Variants in SQOR observed in about 807,000 individuals in gnomAD.
SQOR encodes sulfide:quinone oxidoreductase, mitochondrial.
A neutral mutation model predicts 48.6 loss-of-function variants in SQOR; 39 were observed. That is an observed-to-expected ratio of 0.80 (90% confidence interval 0.62 to 1.05). The LOEUF (loss-of-function observed/expected upper bound fraction) is 1.05, where lower values mean the gene tolerates loss of function less well. Ranked by LOEUF, SQOR falls within the 50% of genes least tolerant of loss-of-function variation. The pLI is 0.00. For missense variants in SQOR, 561 were observed against 559.9 expected (o/e 1.00, Z -0.02); for synonymous variants, 220 against 206.2 (o/e 1.07, Z -0.57).
At chr15:45,654,124 A>G (rs201309963) in intron 1 of SQOR, among the ~76,000 whole-genome samples, 1 of 87,734 alleles carries the variant, frequency 1.1e-5, no homozygotes, top group Non-Finnish European at 2.3e-5. Flanking sequence ...TCAAAAAAAA[A>G]AAAAAAAAAA....
intron 1 of SQOR, among the ~76,000 whole-genome samples, chr15:45,642,415 AT>A (rs1477989221): frequency 1.3e-5 from 2 of 152,116 alleles, no homozygotes; most frequent in African/African-American, 4.8e-5. Flanking sequence ...AGATCTCCAA[AT>A]TTTTTAATGT....
chr15:45,679,022 A>G (rs1418937017), intron 6 of SQOR, among the ~76,000 whole-genome samples: 1 of 152,230 alleles, frequency 6.6e-6, no homozygotes, highest in Non-Finnish European at 1.5e-5. Flanking sequence ...TATGAACTTG[A>G]GTGCATGAAC....
intron 1 of SQOR, among the ~76,000 whole-genome samples, 172 bp downstream of exon 1, chr15:45,635,280 C>T (rs1439169197): frequency 2.0e-5 from 3 of 152,250 alleles, no homozygotes; most frequent in African/African-American, 7.2e-5. Context: ...CGGACACCTG[C>T]AGCTCTTGCT....
At chr15:45,652,173 C>T (rs7177945) in intron 1 of SQOR, among the ~76,000 whole-genome samples, 4,657 of 151,926 alleles carry the variant, frequency 0.031, 281 homozygotes, top group African/African-American at 0.11. Context: ...CACGTCCGGC[C>T]GGTAGTTAAT....
chr15:45,656,751 A>G (rs1889618383), intron 1 of SQOR, among the ~76,000 whole-genome samples: 1 of 152,166 alleles, frequency 6.6e-6, no homozygotes, highest in Admixed American at 6.5e-5. Flanking sequence ...AGTTGAGAGA[A>G]TATTGCATTT....
chr15:45,655,745 G>A (rs538799364), intron 1 of SQOR, among the ~76,000 whole-genome samples: 11 of 150,846 alleles, frequency 7.3e-5, no homozygotes, highest in Admixed American at 2.6e-4. Context: ...GTGCAGTGGC[G>A]CAATCTTGGC....
chr15:45,633,302 C>T (rs1894931112), upstream of SQOR, among the ~76,000 whole-genome samples: 1 of 152,168 alleles, frequency 6.6e-6, no homozygotes, highest in African/African-American at 2.4e-5. Flanking sequence ...GCATGGTTTT[C>T]ATACTAAAAT....
At chr15:45,632,014 G>A (rs1046551262), upstream of SQOR, 2 of 152,236 alleles carry the variant, frequency 1.3e-5, no homozygotes, top group African/African-American at 4.8e-5. Context: ...ATGACTGCAT[G>A]AGTAAGTGAG....
intron 1 of SQOR, among the ~76,000 whole-genome samples, chr15:45,644,958 C>T (rs774806066): frequency 7.9e-5 from 12 of 152,158 alleles, no homozygotes; most frequent in Non-Finnish European, 1.5e-4. Flanking sequence ...AAGCCATTTA[C>T]CATCTCTCAG....
chr15:45,646,875 C>T (rs1407686575), intron 1 of SQOR, among the ~76,000 whole-genome samples: 2 of 152,092 alleles, frequency 1.3e-5, no homozygotes, highest in Admixed American at 1.3e-4. Flanking sequence ...ATAAGAATCT[C>T]GGTGTATATT....
At chr15:45,670,756 G>C (rs774207070) in intron 4 of SQOR, among the ~76,000 whole-genome samples, 9 of 152,272 alleles carry the variant, frequency 5.9e-5, no homozygotes, top group African/African-American at 1.7e-4. Context: ...CCAGGGGAAG[G>C]GTAGTGAAAA....
At chr15:45,662,349 T>C (rs1889735924) in intron 3 of SQOR, among the ~76,000 whole-genome samples, 1 of 152,244 alleles carries the variant, frequency 6.6e-6, no homozygotes, top group African/African-American at 2.4e-5. Flanking sequence ...GATAAGTATT[T>C]GTTGAACACC....
Position 45,676,172 on chromosome 15 carries a change from T to C in SQOR, c.726T>C (p.Tyr242=), listed in dbSNP as rs748361756. The C allele has an allele frequency of 8.7e-6, 14 of 1,614,086 alleles. No homozygotes were observed. The highest frequency in any genetic ancestry group is 2.2e-5 in the East Asian group (1 of 44,900). Residue 242 remains tyrosine, a synonymous_variant, in exon 6 of 10, where the codon TAT becomes TAC. Transcript: ENST00000260324. ...SLGAIFGVKK[Y]ADALQEIIQE... ...GAGCCATTTTCGGGGTTAAGAAGTATGCAGATGCCCTGCAGGAGATCATCC... is the reference window on the plus strand; with the variant it reads ...GAGCCATTTTCGGGGTTAAGAAGTACGCAGATGCCCTGCAGGAGATCATCC...
chr15:45,691,202 C>T lies in SQOR; in HGVS notation c.*172C>T, dbSNP rs1412810323. 1.6e-6 allele frequency: 1 copy of T among 617,174 alleles called. No individual in the cohort carries two copies. Among genetic ancestry groups the T allele is most frequent in the East Asian group, 2.6e-5 (1 of 37,884 alleles). 38.2% of individuals were successfully genotyped at this position (617,174 alleles called of 1,614,324 possible). On this transcript the variant is annotated 3_prime_UTR_variant, in exon 10 of 10. Transcript: ENST00000260324. ...TACCTTTGAACAGCAACCATGTGGG[C>T]TACTCATGATGGGCTTGATTCTTTG...
At chr15:45,649,616 A>T (rs550512998) in intron 1 of SQOR, among the ~76,000 whole-genome samples, 1 of 151,950 alleles carries the variant, frequency 6.6e-6, no homozygotes, top group South Asian at 2.1e-4. Flanking sequence ...AGTAGCTGGG[A>T]TTACAGGCAC....
intron 1 of SQOR, among the ~76,000 whole-genome samples, chr15:45,647,328 C>CTTTTTTT (rs532535956): frequency 7.1e-6 from 1 of 140,546 alleles, no homozygotes; most frequent in African/African-American, 2.6e-5. Flanking sequence ...GCTACTTTAA[C>CTTTTTTT]TTTTTTTTTT....
rs1325746177 is a variant in SQOR, at chr15:45,686,521, A to C, written c.1049-1816A>C. On this transcript the variant is annotated intron_variant, in intron 7 of 9. Coordinates refer to ENST00000260324, the MANE Select transcript of SQOR (RefSeq NM_021199.4). Reference sequence around the variant, plus strand: ...GACCCTCACCCATTCTAGAAAAAAAATCATTGCTTCTTTGATTTGGACATC... The same window carrying C: ...GACCCTCACCCATTCTAGAAAAAAACTCATTGCTTCTTTGATTTGGACATC... Among the ~76,000 whole-genome samples the C allele has an allele frequency of 3.9e-5, 6 of 152,332 alleles. No individual in the cohort carries two copies. The East Asian group carries it at 9.7e-4, about 25-fold the overall frequency.
intron 1 of SQOR, among the ~76,000 whole-genome samples, chr15:45,644,884 TTCAGAATATGGC>T (rs1411089215): frequency 2.0e-5 from 3 of 152,118 alleles, no homozygotes; most frequent in Non-Finnish European, 4.4e-5. Context: ...GAGGAGGTGG[TTCAGAATATGGC>T]TCTGGATTGA....
chr15:45,664,198 A>G (rs1436848730), intron 3 of SQOR, among the ~76,000 whole-genome samples: 1 of 152,166 alleles, frequency 6.6e-6, no homozygotes, highest in African/African-American at 2.4e-5. Context: ...GGGTTATATG[A>G]AAGTTCTGTC....
Sources: gnomAD v4.1 joint callset for allele counts (sites outside exome capture counted in the v4.1 genomes callset) on GRCh38, gnomAD v4.1.1 for gene constraint, MANE v1.5 for transcripts, NCBI Gene and HGNC (gene_info 2026-07-23, HGNC 2026-07-21) for gene names.